The following WNK1 variants were observed in gnomAD, a reference collection of about 807,000 sequenced individuals.
WNK1 encodes serine/threonine-protein kinase WNK1.
A neutral mutation model predicts 222.8 loss-of-function variants in WNK1; 38 were observed. That is an observed-to-expected ratio of 0.17 (90% CI 0.13 to 0.22). The LOEUF is 0.22. Ranked by LOEUF, WNK1 falls within the 10% of genes least tolerant of loss-of-function variation. WNK1 has a pLI of 1.00. For synonymous variants in WNK1, 1,090 were observed against 1,092.9 expected, an observed-to-expected ratio of 1.00 and a Z score of 0.05; for missense variants, 2,348 against 2,918.4, an observed-to-expected ratio of 0.80 and a Z score of 4.50.
At chr12:766,611 T>C (rs1941728998) in intron 1 of WNK1, among the ~76,000 whole-genome samples, 1 of 151,490 alleles carries the variant, frequency 6.6e-6, no homozygotes, top group African/African-American at 2.4e-5. Flanking sequence ...CCCGAGTAGC[T>C]GGGACTACAG....
At chr12:850,379 T>C (rs1565517312) in intron 4 of WNK1, among the ~76,000 whole-genome samples, 1 of 152,244 alleles carries the variant, frequency 6.6e-6, no homozygotes, top group Non-Finnish European at 1.5e-5. Flanking sequence ...TTGAGAAGTG[T>C]CTGTTCATAA....
chr12:906,776 A>T, intron 26 of WNK1: 1 of 984,036 alleles, frequency 1.0e-6, no homozygotes, highest in Non-Finnish European at 1.2e-6. Flanking sequence ...ATGGTGGCTC[A>T]CACCTGTAAT....
chr12:899,993 C>G (rs1724704454), intron 25 of WNK1, among the ~76,000 whole-genome samples: 1 of 150,796 alleles, frequency 6.6e-6, no homozygotes, highest in African/African-American at 2.4e-5. Flanking sequence ...GTACATATGG[C>G]CCTATTACCT....
At chr12:814,513 T>C (rs1211045501) in intron 2 of WNK1, among the ~76,000 whole-genome samples, 2 of 152,206 alleles carry the variant, frequency 1.3e-5, no homozygotes, top group Non-Finnish European at 2.9e-5. Context: ...AAAAATACTT[T>C]TAGTTCCATT....
At chr12:758,217 T>C (rs1453635314) in intron 1 of WNK1, among the ~76,000 whole-genome samples, 1 of 145,944 alleles carries the variant, frequency 6.9e-6, no homozygotes, top group Non-Finnish European at 1.5e-5. Flanking sequence ...TTGTTGAAGC[T>C]CCAATATACT....
Position 897,474 on chromosome 12 carries a change from C to T in WNK1, c.6246-5C>T. On this transcript the variant is annotated splice_region_variant and splice_polypyrimidine_tract_variant and intron_variant, in intron 24 of 27. Coordinates refer to ENST00000315939, the MANE Select transcript of WNK1 (RefSeq NM_018979.4). ...TTTTGAATTATGTTTGGTTATCTTT[C>T]ACAGACATCTCAAAGAGATTCAGGA... 6.4e-7 allele frequency: 1 copy of T among 1,550,778 alleles called. No individual in the cohort carries two copies. The highest frequency in any genetic ancestry group is 2.2e-5 in the East Asian group (1 of 44,550).
At chr12:773,317 G>C (rs930350128) in intron 1 of WNK1, among the ~76,000 whole-genome samples, 1 of 151,990 alleles carries the variant, frequency 6.6e-6, no homozygotes, top group Non-Finnish European at 1.5e-5. Context: ...GCTATAGGGG[G>C]AAAAGCCTTA....
chr12:821,042 G>GTTTTTTTTTT (rs60880879), intron 2 of WNK1, among the ~76,000 whole-genome samples: 6 of 79,118 alleles, frequency 7.6e-5, no homozygotes, highest in South Asian at 4.3e-4. Flanking sequence ...AGTTTCTTGA[G>GTTTTTTTTTT]TTTTTTTTTT....
intron 20 of WNK1, 126 bp downstream of exon 20, chr12:887,430 AAATGT>A (rs1428913310): frequency 1.1e-6 from 1 of 876,376 alleles, no homozygotes; most frequent in African/African-American, 1.7e-5. Flanking sequence ...CTTTCTTTTA[AAATGT>A]TATAACCAAT....
chr12:849,693 A>G (rs1296725556), intron 4 of WNK1, among the ~76,000 whole-genome samples: 3 of 152,036 alleles, frequency 2.0e-5, no homozygotes, highest in Non-Finnish European at 4.4e-5. Flanking sequence ...CATTAGGTAT[A>G]TCTCCTAATG....
chr12:823,927 T>TG (rs1948128061), intron 2 of WNK1, among the ~76,000 whole-genome samples: 1 of 132,156 alleles, frequency 7.6e-6, no homozygotes, highest in South Asian at 2.4e-4. Context: ...TTTTTGGAGA[T>TG]GGAGTCTCGC....
chr12:904,221 A>G (rs1955511674), intron 26 of WNK1, among the ~76,000 whole-genome samples: 1 of 151,890 alleles, frequency 6.6e-6, no homozygotes, highest in Non-Finnish European at 1.5e-5. Context: ...GGGTGTAGAA[A>G]CTCCACATCT....
chr12:855,199 G>T (rs1950691254), intron 4 of WNK1, among the ~76,000 whole-genome samples: 2 of 152,148 alleles, frequency 1.3e-5, no homozygotes. Context: ...ATTATATGAA[G>T]ATAAAAACAA....
intron 2 of WNK1, among the ~76,000 whole-genome samples, chr12:824,663 A>G (rs984014734): frequency 1.2e-4 from 10 of 85,196 alleles, no homozygotes; most frequent in Non-Finnish European, 2.5e-4. Flanking sequence ...TGCTATGGGA[A>G]TAGTTAAAAA....
At chr12:838,000 T>G (rs186729411) in intron 4 of WNK1, among the ~76,000 whole-genome samples, 7 of 152,306 alleles carry the variant, frequency 4.6e-5, no homozygotes, top group African/African-American at 1.2e-4. Context: ...TCTTTCACTT[T>G]GTATAGTGTT....
intron 8 of WNK1, chr12:868,489 T>TC: frequency 6.2e-7 from 1 of 1,614,000 alleles, no homozygotes; most frequent in Non-Finnish European, 8.5e-7. Context: ...CTGGATTGGG[T>TC]CCGGGATCTC....
At chr12:836,186 A>G (rs1398658490) in intron 4 of WNK1, among the ~76,000 whole-genome samples, 1 of 152,194 alleles carries the variant, frequency 6.6e-6, no homozygotes, top group Admixed American at 6.5e-5. Context: ...ACTGAGGGGA[A>G]AAATAACAAA....
rs1355455236 is a variant in WNK1 at position 885,521 on chromosome 12, C to A, written c.4717C>A (p.Pro1573Thr). Reference sequence around the variant, plus strand: ...TGGTGGGCTGCATCCTTTGGTCATTCCATCAGTGATAGCTTCTACTCCTAT... The same window carrying A: ...TGGTGGGCTGCATCCTTTGGTCATTACATCAGTGATAGCTTCTACTCCTAT... ...QPGGLHPLVI[P>T]SVIASTPILP... The change falls in exon 19 of 28, where the codon CCA becomes ACA. Residue 1573 changes from proline to threonine, a missense_variant. Physicochemically the swap from Pro to Thr is conservative, Grantham distance 38. This residue lies in a region of WNK1 where 1,144 missense variants were observed against 1,273.6 expected (regional missense o/e 0.90). Transcript: ENST00000315939. 6.2e-7 allele frequency: 1 copy of A among 1,614,104 alleles called. No individual in the cohort carries two copies. Among genetic ancestry groups the A allele is most frequent in the South Asian group, 1.1e-5 (1 of 91,086 alleles).
intron 2 of WNK1, among the ~76,000 whole-genome samples, chr12:824,005 C>G (rs1252380688): frequency 1.4e-5 from 2 of 147,142 alleles, no homozygotes; most frequent in East Asian, 4.1e-4. Context: ...CTCCCGGGTT[C>G]AAGCGATTCT....
Sources: gnomAD v4.1 joint callset for allele counts (sites outside exome capture counted in the v4.1 genomes callset) on GRCh38, gnomAD v4.1.1 for gene constraint, gnomAD v4.1.1 regional missense constraint, MANE v1.5 for transcripts, NCBI Gene and HGNC (gene_info 2026-07-23, HGNC 2026-07-21) for gene names.